Variants in CEMIP2 observed in about 807,000 individuals in gnomAD.
CEMIP2 encodes the protein cell migration inducing hyaluronidase 2, also known as cell surface hyaluronidase CEMIP2.
Under a neutral mutation model 146.9 loss-of-function variants are expected in CEMIP2, and 79 were observed. The observed-to-expected ratio is 0.54, with a 90% CI of 0.45 to 0.65. The LOEUF (loss-of-function observed/expected upper bound fraction) is 0.65, where lower values mean the gene tolerates loss of function less well. Ranked by LOEUF, CEMIP2 falls within the 30% of genes least tolerant of loss-of-function variation. The probability of loss-of-function intolerance (pLI) is 0.00; values close to 1 mark genes in which losing one functional copy is unlikely to be tolerated. For missense variants in CEMIP2, 1,596 were observed against 1,696.2 expected, an observed-to-expected ratio of 0.94 and a Z score of 1.04; for synonymous variants, 601 against 606.3, an observed-to-expected ratio of 0.99 and a Z score of 0.13.
intron 7 of CEMIP2, among the ~76,000 whole-genome samples, chr9:71,732,103 T>C (rs1823636812): frequency 6.6e-6 from 1 of 152,134 alleles, no homozygotes; most frequent in Admixed American, 6.6e-5. Flanking sequence ...TGTAATTGGT[T>C]CTTCCCAATA....
chr9:71,712,312 C>T (rs370828640), intron 15 of CEMIP2, 52 bp from the exon 16 acceptor site: 8 of 1,546,630 alleles, frequency 5.2e-6, no homozygotes, highest in Non-Finnish European at 6.2e-6. Flanking sequence ...CCCTTAGCAG[C>T]ACTTCACTTA....
At chr9:71,731,444 T>C (rs991754186) in intron 7 of CEMIP2, among the ~76,000 whole-genome samples, 1 of 152,158 alleles carries the variant, frequency 6.6e-6, no homozygotes, top group Non-Finnish European at 1.5e-5. Flanking sequence ...ATTTCAGAAA[T>C]CCTTGTAACA....
At chr9:71,741,631 GT>G (rs11334265) in intron 4 of CEMIP2, among the ~76,000 whole-genome samples, 6,672 of 72,606 alleles carry the variant, frequency 0.092, 32 homozygotes, top group East Asian at 0.11. Context: ...TTCTTTTCTG[GT>G]TTTTTTTTTT....
intron 4 of CEMIP2, among the ~76,000 whole-genome samples, chr9:71,740,701 T>G (rs1399619193): frequency 1.3e-5 from 2 of 152,230 alleles, no homozygotes; most frequent in African/African-American, 4.8e-5. Context: ...GGAATCATGT[T>G]AATAATTGCA....
At chr9:71,749,336 C>T (rs1355314736) in intron 2 of CEMIP2, among the ~76,000 whole-genome samples, 1 of 151,734 alleles carries the variant, frequency 6.6e-6, no homozygotes, top group Non-Finnish European at 1.5e-5. Flanking sequence ...AAGCCACAAA[C>T]ACAAATATTA....
intron 11 of CEMIP2, 97 bp downstream of exon 11, chr9:71,725,484 T>C (rs1008679952): frequency 3.0e-6 from 4 of 1,318,132 alleles, no homozygotes; most frequent in African/African-American, 3.0e-5. Context: ...TGTGATATTC[T>C]ACTACAGCAG....
intron 22 of CEMIP2, 49 bp downstream of exon 22, chr9:71,690,043 C>G: frequency 6.3e-7 from 1 of 1,599,188 alleles, no homozygotes; most frequent in South Asian, 1.1e-5. Context: ...TTGGAGCACT[C>G]CACATCTTTA....
Position 71,745,453 on chromosome 9 carries a change from G to C in CEMIP2, c.599C>G (p.Ala200Gly). Residue 200 changes from alanine (A) to glycine (G), a missense_variant, in exon 4 of 24, where the codon GCG (alanine) becomes GGG (glycine). Transcript: ENST00000377044. ...TGACTTGCCATACAAGGTAATTGTC[G>C]CTTTGGATTTATAGCGGCATTTTTC... ...GAEKCRYKSKATITLYGKSDE... is the reference protein window; with the variant it reads ...GAEKCRYKSKGTITLYGKSDE... The C allele has an allele frequency of 6.2e-7, 1 of 1,614,004 alleles. No individual in the cohort carries two copies. Among genetic ancestry groups the C allele is most frequent in the East Asian group, 2.2e-5 (1 of 44,874 alleles).
At chr9:71,764,469 C>G (rs563187080) in intron 1 of CEMIP2, among the ~76,000 whole-genome samples, 25 of 151,766 alleles carry the variant, frequency 1.6e-4, no homozygotes, top group Non-Finnish European at 2.9e-4. Context: ...AGTTCTTGTC[C>G]CTGCTTGGCT....
chr9:71,705,052 C>T, intron 17 of CEMIP2: 1 of 447,440 alleles, frequency 2.2e-6, no homozygotes, highest in Non-Finnish European at 4.0e-6. Flanking sequence ...CCACTACAGG[C>T]CAGCTTATTC....
chr9:71,702,817 T>C lies in CEMIP2; in HGVS notation c.3194+1778A>G, dbSNP rs114464133. ...TCATGCCCATGTGGATTTTTGAAAC[T>C]TCTAGGCTCAGCATTTTTTTTCACT... On this transcript the variant is annotated intron_variant, in intron 18 of 23. Coordinates refer to ENST00000377044, the MANE Select transcript of CEMIP2 (RefSeq NM_013390.3). Among the ~76,000 whole-genome samples the C allele has an allele frequency of 2.9e-3, 440 of 152,312 alleles. 2 individuals carry two copies. Among genetic ancestry groups the C allele is most frequent in the African/African-American group, 9.8e-3 (407 of 41,564 alleles).
At chr9:71,729,965 C>T in intron 9 of CEMIP2, 51 bp from the exon 10 acceptor site, 1 of 1,612,566 alleles carries the variant, frequency 6.2e-7, no homozygotes, top group Non-Finnish European at 8.5e-7. Flanking sequence ...AAAACTCCTG[C>T]CCACTAAAAA....
At chr9:71,708,232 T>C (rs1822807742) in intron 17 of CEMIP2, among the ~76,000 whole-genome samples, 1 of 152,164 alleles carries the variant, frequency 6.6e-6, no homozygotes, top group African/African-American at 2.4e-5. Flanking sequence ...ATTGTCTGCA[T>C]GGGGCAGAGG....
At chr9:71,695,281 C>A (rs533119911) in intron 20 of CEMIP2, among the ~76,000 whole-genome samples, 1 of 152,324 alleles carries the variant, frequency 6.6e-6, no homozygotes, top group Admixed American at 6.5e-5. Context: ...TGTCTCCTCC[C>A]TAAGGGCTCT....
chr9:71,720,684 AT>A (rs1162449802), intron 12 of CEMIP2, among the ~76,000 whole-genome samples: 1 of 152,198 alleles, frequency 6.6e-6, no homozygotes, highest in African/African-American at 2.4e-5. Context: ...GAGCTGGTTT[AT>A]TACTCATTTA....
In CEMIP2 at chr9:71,700,899, A is replaced by G; in HGVS notation, c.3195-75T>C. 3.0e-6 allele frequency: 4 copies of G among 1,335,496 alleles called. No individual in the cohort carries two copies. In the South Asian group the frequency reaches 6.5e-5, roughly 22 times the overall value. The allele number at this position is 1,335,496 out of a possible 1,614,324, so 82.7% of individuals were successfully genotyped here. On this transcript the variant is annotated intron_variant, in intron 18 of 23. Coordinates refer to ENST00000377044, the MANE Select transcript of CEMIP2 (RefSeq NM_013390.3). ...GTTAAGTACTATAGCGTATGCAGAT[A>G]ACTGTCCTTCATGTGCCACTTCTTC...
chr9:71,700,627 G>T lies in CEMIP2; in HGVS notation c.3377+15C>A, dbSNP rs777997001. On this transcript the variant is annotated intron_variant, in intron 19 of 23. Transcript: ENST00000377044. ...AAATAGGAATAATTCTCATTCCCTG[G>T]TTTCACTGAATTACCCCGTGCTGGA... The T allele has an allele frequency of 6.4e-7, 1 of 1,558,968 alleles. No individual in the cohort carries two copies. Among genetic ancestry groups the T allele is most frequent in the Admixed American group, 2.1e-5 (1 of 47,348 alleles).
intron 17 of CEMIP2, among the ~76,000 whole-genome samples, chr9:71,707,412 A>T (rs1186695886): frequency 6.6e-6 from 1 of 152,106 alleles, no homozygotes. Flanking sequence ...CCCCCACTAA[A>T]ATAAACCAGA....
intron 21 of CEMIP2, among the ~76,000 whole-genome samples, chr9:71,693,591 T>C (rs1002533551): frequency 6.6e-6 from 1 of 152,240 alleles, no homozygotes; most frequent in Admixed American, 6.5e-5. Context: ...ATAAGGTTAA[T>C]GAATAAACAC....
Sources: gnomAD v4.1 joint callset for allele counts (sites outside exome capture counted in the v4.1 genomes callset) on GRCh38, gnomAD v4.1.1 for gene constraint, MANE v1.5 for transcripts, NCBI Gene and HGNC (gene_info 2026-07-23, HGNC 2026-07-21) for gene names.